SH3PXD2B: variants seen among roughly 807,000 people sequenced by gnomAD.
The protein encoded by SH3PXD2B is SH3 and PX domain-containing protein 2B.
Under a neutral mutation model 73.1 loss-of-function variants are expected in SH3PXD2B, and 37 were observed. That is an observed-to-expected ratio of 0.51 (90% CI 0.39 to 0.67). SH3PXD2B has a LOEUF of 0.67. Ranked by LOEUF, SH3PXD2B falls within the 30% of genes least tolerant of loss-of-function variation. The pLI, the probability that SH3PXD2B is intolerant of heterozygous loss-of-function variation, is 0.00. For missense variants in SH3PXD2B, 1,053 were observed against 1,197.8 expected (o/e 0.88, Z 1.78); for synonymous variants, 457 against 480.5 (o/e 0.95, Z 0.64).
At chr5:172,333,441 C>A, downstream of SH3PXD2B, 1 of 1,015,816 alleles carries the variant, frequency 9.8e-7, no homozygotes, top group Non-Finnish European at 1.2e-6. Context: ...CCGAAGATCC[C>A]AGGCCACAAA....
Position 172,445,686 on chromosome 5 carries a change from C to T in SH3PXD2B, c.75+8592G>A, listed in dbSNP as rs574576621. 6.6e-6 allele frequency among the ~76,000 whole-genome samples: 1 copy of T among 152,348 alleles called. No homozygotes were observed. Among genetic ancestry groups the T allele is most frequent in the South Asian group, 2.1e-4 (1 of 4,828 alleles). On this transcript the variant is annotated intron_variant, in intron 1 of 12. Coordinates refer to ENST00000311601, the MANE Select transcript of SH3PXD2B (RefSeq NM_001017995.3). The surrounding 1 kb of genome is among the most constrained non-coding windows in gnomAD (Gnocchi z 5.2). The stretch of plus-strand genomic sequence containing the variant: ...ATGTTTATTTGAAACCGAAATTGAA[C>T]TGGGCATTCTGCATTTTCATTTGCT...
intron 1 of SH3PXD2B, among the ~76,000 whole-genome samples, chr5:172,424,195 G>A (rs1241847957): frequency 6.6e-6 from 1 of 152,180 alleles, no homozygotes; most frequent in Non-Finnish European, 1.5e-5. Flanking sequence ...CCACTGTCTT[G>A]AATAACTTTT....
intron 1 of SH3PXD2B, among the ~76,000 whole-genome samples, chr5:172,433,651 A>G (rs1759304109): frequency 6.6e-6 from 1 of 152,132 alleles, no homozygotes; most frequent in African/African-American, 2.4e-5. Context: ...GGGTGGGAGA[A>G]CACTGGCTCA....
chr5:172,435,505 C>T (rs1759367837), intron 1 of SH3PXD2B, among the ~76,000 whole-genome samples: 1 of 152,122 alleles, frequency 6.6e-6, no homozygotes, highest in Non-Finnish European at 1.5e-5. Flanking sequence ...TCACAGCAGC[C>T]TCGAATTCCC....
intron 5 of SH3PXD2B, among the ~76,000 whole-genome samples, chr5:172,379,665 C>T (rs1490218913): frequency 2.6e-5 from 4 of 152,166 alleles, no homozygotes; most frequent in South Asian, 2.1e-4. Flanking sequence ...TACCATGAGC[C>T]GCCACTTCCT....
chr5:172,451,847 C>A (rs185378360), intron 1 of SH3PXD2B, among the ~76,000 whole-genome samples: 1 of 152,336 alleles, frequency 6.6e-6, no homozygotes, highest in Admixed American at 6.5e-5. Flanking sequence ...GGCCCCCCTG[C>A]CATCAAGGCA....
intron 8 of SH3PXD2B, among the ~76,000 whole-genome samples, chr5:172,355,730 G>A (rs1002955494): frequency 3.3e-5 from 5 of 152,006 alleles, no homozygotes; most frequent in African/African-American, 7.2e-5. Context: ...ATTTTTAGTA[G>A]AGACGGGGTT....
At chr5:172,349,892 C>T (rs1757120810) in intron 10 of SH3PXD2B, among the ~76,000 whole-genome samples, 1 of 152,060 alleles carries the variant, frequency 6.6e-6, no homozygotes, top group South Asian at 2.1e-4. Context: ...TCTTGTCGCC[C>T]AGGCTGGAGC....
intron 1 of SH3PXD2B, among the ~76,000 whole-genome samples, chr5:172,440,318 G>A (rs1187460504): frequency 6.6e-6 from 1 of 152,190 alleles, no homozygotes; most frequent in Non-Finnish European, 1.5e-5. Flanking sequence ...CTGGGTTTCT[G>A]CCACTCCACC....
chr5:172,387,470 A>G (rs1019818302), intron 4 of SH3PXD2B, among the ~76,000 whole-genome samples: 3 of 152,240 alleles, frequency 2.0e-5, no homozygotes, highest in African/African-American at 7.2e-5. Flanking sequence ...GCCCTTGCAC[A>G]AACAGAACCT....
chr5:172,402,231 C>G (rs1209903775), intron 3 of SH3PXD2B, among the ~76,000 whole-genome samples: 1 of 152,182 alleles, frequency 6.6e-6, no homozygotes, highest in Non-Finnish European at 1.5e-5. Flanking sequence ...CTGTAGCACT[C>G]CCAGGCTTAT....
At chr5:172,377,387 C>G (rs1180008189) in intron 5 of SH3PXD2B, among the ~76,000 whole-genome samples, 2 of 152,206 alleles carry the variant, frequency 1.3e-5, no homozygotes, top group Non-Finnish European at 1.5e-5. Context: ...CATCCCTAAA[C>G]CAACAACCAG....
chr5:172,344,096 C>T (rs1455859213), intron 12 of SH3PXD2B, among the ~76,000 whole-genome samples: 1 of 152,026 alleles, frequency 6.6e-6, no homozygotes, highest in Non-Finnish European at 1.5e-5. Flanking sequence ...CCTATATCAT[C>T]ATCATCATCA....
chr5:172,444,396 G>A (rs911647986), intron 1 of SH3PXD2B, among the ~76,000 whole-genome samples: 5 of 152,140 alleles, frequency 3.3e-5, no homozygotes, highest in African/African-American at 1.2e-4. Context: ...GCTTAAGTTA[G>A]CCAGGTCTGT....
chr5:172,434,179 G>A (rs1759315382), intron 1 of SH3PXD2B, among the ~76,000 whole-genome samples: 1 of 152,124 alleles, frequency 6.6e-6, no homozygotes, highest in African/African-American at 2.4e-5. Context: ...TACCCCAAAT[G>A]CCCTGACTTG....
chr5:172,407,056 T>A (rs916904910), intron 2 of SH3PXD2B, among the ~76,000 whole-genome samples: 3 of 152,160 alleles, frequency 2.0e-5, no homozygotes, highest in Non-Finnish European at 4.4e-5. Flanking sequence ...GGATTTGGCA[T>A]ACAAAATCAC....
chr5:172,448,540 G>C lies in SH3PXD2B; in HGVS notation c.75+5738C>G, dbSNP rs566944331. Among the ~76,000 whole-genome samples the C allele has an allele frequency of 3.3e-5, 5 of 152,306 alleles. No individual in the cohort carries two copies. In the South Asian group the frequency reaches 1.0e-3, roughly 32 times the overall value. On this transcript the variant is annotated intron_variant, in intron 1 of 12. Transcript: ENST00000311601. Reference sequence around the variant, plus strand: ...TTCCCATTTTACAGATCCTCACATAGTGCAAGGTCACCCCGCTCAGGAGCG... The same window carrying C: ...TTCCCATTTTACAGATCCTCACATACTGCAAGGTCACCCCGCTCAGGAGCG...
intron 1 of SH3PXD2B, among the ~76,000 whole-genome samples, chr5:172,443,407 C>T (rs1309452117): frequency 6.6e-6 from 1 of 152,178 alleles, no homozygotes; most frequent in African/African-American, 2.4e-5. Flanking sequence ...GAATTCCACC[C>T]ATGTAAAGAA....
At position 172,336,228 on chromosome 5, in the gene SH3PXD2B, A is replaced by G; in HGVS notation, c.*2141T>C. The G allele has an allele frequency of 1.0e-6, 1 of 985,526 alleles. No individual in the cohort carries two copies. The highest frequency in any genetic ancestry group is 1.2e-6 in the Non-Finnish European group (1 of 829,962). 61.0% of individuals were successfully genotyped at this position (985,526 alleles called of 1,614,324 possible). On this transcript the variant is annotated 3_prime_UTR_variant, in exon 13 of 13. Coordinates refer to ENST00000311601, the MANE Select transcript of SH3PXD2B (RefSeq NM_001017995.3). ...ACATGTGTTTTGTCTTTTGAAATGC[A>G]GTCAAATCTCACATAGCTTCACAAA... is the stretch of plus-strand genomic sequence containing the variant.
Sources: allele counts gnomAD v4.1 joint callset (sites outside exome capture counted in the v4.1 genomes callset), GRCh38; gene constraint gnomAD v4.1.1; non-coding constraint Gnocchi (gnomAD v3.1); transcripts MANE v1.5; gene names NCBI Gene and HGNC (gene_info 2026-07-23, HGNC 2026-07-21).